The following NARS2 variants were observed in gnomAD, a reference collection of about 807,000 sequenced individuals.
NARS2 encodes asparaginyl-tRNA synthetase 2, mitochondrial.
In NARS2, 60 loss-of-function variants were observed where a neutral mutation model predicts 62.9. The ratio of observed to expected loss-of-function variants is 0.95; its 90% CI spans 0.77 to 1.18. The LOEUF (loss-of-function observed/expected upper bound fraction) is 1.18. Among genes scored for constraint, NARS2 ranks in the 50% most tolerant of loss-of-function variants. The pLI is 0.00. For missense variants in NARS2, 619 were observed against 576.4 expected (o/e 1.07, Z -0.76); for synonymous variants, 196 against 200.0 (o/e 0.98, Z 0.17).
chr11:78,548,365 A>T (rs1855958165), intron 5 of NARS2, among the ~76,000 whole-genome samples: 1 of 150,760 alleles, frequency 6.6e-6, no homozygotes, highest in South Asian at 2.1e-4. Context: ...AACGTTTAAA[A>T]GAAAATAGGT....
At chr11:78,454,293 C>T (rs1263439550) in intron 11 of NARS2, among the ~76,000 whole-genome samples, 2 of 152,086 alleles carry the variant, frequency 1.3e-5, no homozygotes, top group Non-Finnish European at 2.9e-5. Flanking sequence ...GAAATGTGAC[C>T]CTCTAATATT....
intron 5 of NARS2, among the ~76,000 whole-genome samples, chr11:78,540,898 C>T (rs1285090287): frequency 6.6e-6 from 1 of 152,010 alleles, no homozygotes; most frequent in Non-Finnish European, 1.5e-5. Flanking sequence ...TTTTTTCACG[C>T]CTGTAATCCC....
At chr11:78,473,094 A>G (rs746147560) in intron 9 of NARS2, among the ~76,000 whole-genome samples, 1 of 152,194 alleles carries the variant, frequency 6.6e-6, no homozygotes, top group Non-Finnish European at 1.5e-5. Context: ...TGAGCCCAGG[A>G]GTTCAAGGCT....
chr11:78,546,580 C>T (rs1047380255), intron 5 of NARS2: 1 of 152,210 alleles, frequency 6.6e-6, no homozygotes, highest in South Asian at 2.1e-4. Context: ...CACTTTTCCT[C>T]CAGCACATGT....
At chr11:78,468,324 A>AAAAAAAG (rs1858718194) in intron 10 of NARS2, among the ~76,000 whole-genome samples, 1 of 149,270 alleles carries the variant, frequency 6.7e-6, no homozygotes, top group Non-Finnish European at 1.5e-5. Flanking sequence ...AAAAAAAAAA[A>AAAAAAAG]AAAAGAAAAA....
chr11:78,471,000 A>G (rs569027824), intron 9 of NARS2, among the ~76,000 whole-genome samples: 2 of 151,734 alleles, frequency 1.3e-5, no homozygotes, highest in Non-Finnish European at 2.9e-5. Context: ...GTTCATATCC[A>G]TAACAACTAA....
At chr11:78,454,765 C>T (rs1419384023) in intron 11 of NARS2, among the ~76,000 whole-genome samples, 3 of 151,958 alleles carry the variant, frequency 2.0e-5, no homozygotes, top group Admixed American at 1.3e-4. Flanking sequence ...ATTATAGGCA[C>T]CTGCCACTAC....
chr11:78,488,545 T>C (rs2135306617), intron 7 of NARS2, among the ~76,000 whole-genome samples: 2 of 152,292 alleles, frequency 1.3e-5, no homozygotes, highest in South Asian at 4.1e-4. Context: ...ACCAGTAAAA[T>C]CCACTTTGGA....
chr11:78,437,087 A>G (rs148326627), intron 13 of NARS2, among the ~76,000 whole-genome samples: 2 of 152,200 alleles, frequency 1.3e-5, no homozygotes, highest in Non-Finnish European at 2.9e-5. Flanking sequence ...TGCATTTATG[A>G]CAGAAAACTT....
intron 6 of NARS2, among the ~76,000 whole-genome samples, chr11:78,507,192 C>T (rs1478337683): frequency 7.7e-6 from 1 of 130,016 alleles, no homozygotes; most frequent in Non-Finnish European, 1.6e-5. Flanking sequence ...ATTTAAAGAG[C>T]CAGCGGACTT....
chr11:78,562,392 T>C (rs1223670538), intron 4 of NARS2, among the ~76,000 whole-genome samples: 4 of 152,204 alleles, frequency 2.6e-5, no homozygotes, highest in Admixed American at 6.5e-5. Flanking sequence ...ACTGCACCAC[T>C]GCACTCCAGC....
intron 6 of NARS2, among the ~76,000 whole-genome samples, chr11:78,503,090 C>T (rs1454919443): frequency 9.9e-5 from 15 of 151,668 alleles, no homozygotes; most frequent in African/African-American, 2.4e-5. Flanking sequence ...GAGGTGATTT[C>T]ATTCCATTTT....
chr11:78,448,967 T>G (rs1857863738), intron 11 of NARS2, among the ~76,000 whole-genome samples: 1 of 152,170 alleles, frequency 6.6e-6, no homozygotes, highest in Admixed American at 6.5e-5. Context: ...AAGACTCATA[T>G]TTATTTTGAT....
intron 6 of NARS2, among the ~76,000 whole-genome samples, chr11:78,507,334 A>G (rs1324481007): frequency 6.6e-6 from 1 of 152,126 alleles, no homozygotes; most frequent in Non-Finnish European, 1.5e-5. Context: ...AGGCAGGCTC[A>G]GAAAGACCTG....
chr11:78,480,494 A>G (rs1331991867), intron 7 of NARS2, among the ~76,000 whole-genome samples: 1 of 151,934 alleles, frequency 6.6e-6, no homozygotes, highest in Non-Finnish European at 1.5e-5. Context: ...ACCTCAGGTG[A>G]TCTGCCCACC....
At chr11:78,485,378 T>A (rs748908714) in intron 7 of NARS2, among the ~76,000 whole-genome samples, 1 of 151,882 alleles carries the variant, frequency 6.6e-6, no homozygotes, top group African/African-American at 2.4e-5. Context: ...GTTCTGCACA[T>A]GTATCCCAGA....
chr11:78,462,485 G>A (rs760433461), intron 11 of NARS2, among the ~76,000 whole-genome samples: 12 of 152,188 alleles, frequency 7.9e-5, no homozygotes, highest in Non-Finnish European at 1.6e-4. Context: ...TATATTATTT[G>A]TGATTTTTAG....
chr11:78,516,576 T>C (rs115483859), intron 6 of NARS2, among the ~76,000 whole-genome samples: 61 of 152,362 alleles, frequency 4.0e-4, no homozygotes, highest in African/African-American at 1.3e-3. Flanking sequence ...GTTGAAATTA[T>C]ATCTGTCTTG....
At chr11:78,522,482 C>G (rs909740694) in intron 6 of NARS2, among the ~76,000 whole-genome samples, 2 of 152,112 alleles carry the variant, frequency 1.3e-5, no homozygotes, top group African/African-American at 4.8e-5. Context: ...TTTGGACCAT[C>G]CCATTTTCTA....
Sources: allele counts gnomAD v4.1 joint callset (sites outside exome capture counted in the v4.1 genomes callset), GRCh38; gene constraint gnomAD v4.1.1; transcripts MANE v1.5; gene names NCBI Gene and HGNC (gene_info 2026-07-23, HGNC 2026-07-21).